ATP2B2: variants seen among roughly 807,000 people sequenced by gnomAD.
ATP2B2 encodes the protein ATPase plasma membrane Ca2+ transporting 2.
A neutral mutation model predicts 120.0 loss-of-function variants in ATP2B2; 15 were observed. That is an observed-to-expected ratio of 0.12 (90% CI 0.08 to 0.19). The LOEUF is 0.19. Among genes scored for constraint, ATP2B2 ranks in the 10% least tolerant of loss-of-function variants. The probability of loss-of-function intolerance (pLI) is 1.00; values close to 1 mark genes in which losing one functional copy is unlikely to be tolerated. For synonymous variants in ATP2B2, 694 were observed against 700.3 expected (o/e 0.99, Z 0.14); for missense variants, 1,045 against 1,719.8 (o/e 0.61, Z 6.94).
rs1437425152 is a variant in ATP2B2 at position 10,423,625 on chromosome 3, CCTT to C, written c.200-12813_200-12811del. Among the ~76,000 whole-genome samples, 102 of 152,330 alleles carry C rather than the reference CCTT, an allele frequency of 6.7e-4. 1 individual carries two copies. The highest frequency in any genetic ancestry group is 1.2e-3 in the Non-Finnish European group (83 of 68,022). On this transcript the variant is annotated intron_variant, in intron 2 of 22. Coordinates refer to ENST00000360273, the MANE Select transcript of ATP2B2 (RefSeq NM_001001331.4). ...GAGGCCAGAAAAGCCCCTTATTCCT[CCTT>C]CTGGGGAGGGGCCTCCATGGTTGAG...
At chr3:10,477,297 C>T (rs777705432) in intron 1 of ATP2B2, among the ~76,000 whole-genome samples, 37 of 152,338 alleles carry the variant, frequency 2.4e-4, no homozygotes, top group African/African-American at 6.7e-4. Flanking sequence ...CTTCTGCGTT[C>T]GCTCTGGAAG....
At chr3:10,631,081 G>A (rs1372503235) in intron 1 of ATP2B2, among the ~76,000 whole-genome samples, 1 of 152,348 alleles carries the variant, frequency 6.6e-6, no homozygotes, top group South Asian at 2.1e-4. Context: ...GCGTGTCCTG[G>A]AGCAAGTTAC....
At chr3:10,427,049 G>A (rs1215736545) in intron 2 of ATP2B2, among the ~76,000 whole-genome samples, 2 of 152,198 alleles carry the variant, frequency 1.3e-5, no homozygotes, top group Non-Finnish European at 2.9e-5. Context: ...TGCAGATGAG[G>A]AAACTGTGGT....
intron 1 of ATP2B2, chr3:10,707,777 G>C (rs1261984965): frequency 1.3e-5 from 2 of 151,714 alleles, no homozygotes; most frequent in Non-Finnish European, 2.9e-5. Context: ...GACACGCTCC[G>C]GCTCACGCTC....
chr3:10,473,103 C>T (rs2065075178), intron 1 of ATP2B2, among the ~76,000 whole-genome samples: 1 of 152,208 alleles, frequency 6.6e-6, no homozygotes, highest in African/African-American at 2.4e-5. Flanking sequence ...TTCTGTGGCT[C>T]CCCAGTGCCC....
chr3:10,509,535 C>A (rs73811920), upstream of ATP2B2, among the ~76,000 whole-genome samples: 1 of 152,170 alleles, frequency 6.6e-6, no homozygotes. Context: ...CAGGGCCTTA[C>A]GTGAAAGTTA....
At chr3:10,697,527 C>T (rs2071758568) in intron 1 of ATP2B2, among the ~76,000 whole-genome samples, 1 of 152,226 alleles carries the variant, frequency 6.6e-6, no homozygotes, top group Non-Finnish European at 1.5e-5. Context: ...ATCGCACTCT[C>T]CTCCACTGTT....
At chr3:10,542,337 A>G (rs1459130881) in intron 2 of ATP2B2, among the ~76,000 whole-genome samples, 3 of 152,178 alleles carry the variant, frequency 2.0e-5, no homozygotes, top group African/African-American at 7.2e-5. Context: ...ACCACATCAG[A>G]CTGTGTTACA....
chr3:10,355,791 C>CTTTGTGCGTGTGTGTGTGTGTGTGTGT, intron 14 of ATP2B2, among the ~76,000 whole-genome samples: 16 of 92,518 alleles, frequency 1.7e-4, no homozygotes, highest in Admixed American at 2.6e-4. Context: ...TTGTCCTTTC[C>CTTTGTGCGTGTGTGTGTGTGTGTGTGT]GGCCGGGCGC....
At chr3:10,434,925 G>A (rs903782391) in intron 2 of ATP2B2, among the ~76,000 whole-genome samples, 1 of 152,194 alleles carries the variant, frequency 6.6e-6, no homozygotes, top group Admixed American at 6.5e-5. Flanking sequence ...TCATATTTGG[G>A]CCTGAGCCCC....
At chr3:10,669,656 G>C (rs1008910070) in intron 1 of ATP2B2, among the ~76,000 whole-genome samples, 1 of 152,182 alleles carries the variant, frequency 6.6e-6, no homozygotes, top group Non-Finnish European at 1.5e-5. Flanking sequence ...GCTATCCACA[G>C]CCTCCCTAGA....
At chr3:10,396,278 C>T (rs1013338813) in intron 5 of ATP2B2, among the ~76,000 whole-genome samples, 4 of 152,262 alleles carry the variant, frequency 2.6e-5, no homozygotes, top group African/African-American at 9.6e-5. Flanking sequence ...CACAACAGCC[C>T]TGTGGGGCAG....
chr3:10,402,337 C>T lies in ATP2B2; in HGVS notation c.409G>A (p.Ala137Thr). 1 of 1,613,538 alleles carries T rather than the reference C, an allele frequency of 6.2e-7. No individual in the cohort carries two copies. ...PGEGNEGCAT[A>T]QGGAEDEGEA... ...CCTTCATCCTCTGCCCCACCCTGGG[C>T]CGTCGCACATCCTGAAAGACCAGAT... The change falls in exon 4 of 23, where the codon GCC (alanine) becomes ACC (threonine). Residue 137 changes from alanine (A) to threonine (T), a missense_variant. This residue lies in a region of ATP2B2 where 35 missense variants were observed against 37.2 expected (regional missense o/e 0.94). Coordinates refer to ENST00000360273, the MANE Select transcript of ATP2B2 (RefSeq NM_001001331.4). The surrounding 1 kb of genome is among the most constrained non-coding windows in gnomAD (Gnocchi z 4.9).
chr3:10,597,873 C>T (rs1345683173), intron 2 of ATP2B2, among the ~76,000 whole-genome samples: 3 of 152,154 alleles, frequency 2.0e-5, no homozygotes, highest in Non-Finnish European at 4.4e-5. Context: ...TGTTAAATGG[C>T]CCTCAAGCTA....
intron 1 of ATP2B2, among the ~76,000 whole-genome samples, chr3:10,627,021 G>A (rs1240375385): frequency 1.3e-5 from 2 of 152,076 alleles, no homozygotes; most frequent in Non-Finnish European, 2.9e-5. Flanking sequence ...CCCCAGACTC[G>A]GATGAGTTGT....
At chr3:10,387,699 G>A (rs2061720889) in intron 6 of ATP2B2, among the ~76,000 whole-genome samples, 1 of 152,184 alleles carries the variant, frequency 6.6e-6, no homozygotes, top group Non-Finnish European at 1.5e-5. Flanking sequence ...AGAGCCCAGT[G>A]AATAAGGAAT....
At chr3:10,470,005 C>G in intron 1 of ATP2B2, among the ~76,000 whole-genome samples, 1 of 152,030 alleles carries the variant, frequency 6.6e-6, no homozygotes, top group East Asian at 1.9e-4. Flanking sequence ...CAGCGCAGCC[C>G]CCGTGGGGGC....
At chr3:10,454,452 C>A (rs982002363) in intron 1 of ATP2B2, among the ~76,000 whole-genome samples, 2 of 152,166 alleles carry the variant, frequency 1.3e-5, no homozygotes, top group Admixed American at 1.3e-4. Context: ...TCTGGGATAA[C>A]AAAATCAATT....
intron 1 of ATP2B2, among the ~76,000 whole-genome samples, chr3:10,654,270 C>T (rs534053245): frequency 6.6e-6 from 1 of 152,148 alleles, no homozygotes. Context: ...GTATCCGTGC[C>T]TCTGTCTGTC....
Sources: gnomAD v4.1 joint callset for allele counts (sites outside exome capture counted in the v4.1 genomes callset) on GRCh38, gnomAD v4.1.1 for gene constraint, gnomAD v4.1.1 regional missense constraint, Gnocchi (gnomAD v3.1) non-coding constraint, MANE v1.5 for transcripts, NCBI Gene and HGNC (gene_info 2026-07-23, HGNC 2026-07-21) for gene names.